IGF2R: variants seen among roughly 807,000 people sequenced by gnomAD.
IGF2R encodes insulin like growth factor 2 receptor, also known as cation-independent mannose-6-phosphate receptor.
IGF2R carries 91 observed loss-of-function variants against 270.6 expected under a neutral mutation model. The observed-to-expected ratio is 0.34, with a 90% CI of 0.28 to 0.40. The LOEUF is 0.40. IGF2R is among the 10% of genes least tolerant of loss of function. The pLI is 1.00. For missense variants in IGF2R, 2,805 were observed against 3,188.3 expected (o/e 0.88, Z 2.90); for synonymous variants, 1,316 against 1,258.9 (o/e 1.05, Z -0.96).
At chr6:160,008,915 C>G in intron 2 of IGF2R, 95 bp from the exon 3 acceptor site, 1 of 1,250,790 alleles carries the variant, frequency 8.0e-7, no homozygotes, top group Non-Finnish European at 1.1e-6. Flanking sequence ...CTATCAGATA[C>G]ATTATAATGC....
intron 19 of IGF2R, among the ~76,000 whole-genome samples, chr6:160,055,664 G>A (rs74993725): frequency 6.6e-6 from 1 of 152,150 alleles, no homozygotes; most frequent in African/African-American, 2.4e-5. Flanking sequence ...TCCTGAACCC[G>A]TGACCCTGGG....
intron 1 of IGF2R, among the ~76,000 whole-genome samples, chr6:159,985,630 T>C (rs3822846): frequency 0.021 from 3,197 of 151,978 alleles, 92 homozygotes; most frequent in East Asian, 0.12. Flanking sequence ...GACGGTGTCA[T>C]TGGGGATAAC....
At chr6:160,086,617 C>G (rs1166842235) in intron 41 of IGF2R, among the ~76,000 whole-genome samples, 2 of 152,154 alleles carry the variant, frequency 1.3e-5, no homozygotes, top group Non-Finnish European at 2.9e-5. Context: ...TTGTTTGATC[C>G]CATATGCCAG....
chr6:160,089,134 C>T lies in IGF2R; in HGVS notation c.6348C>T (p.Tyr2116=). The T allele has an allele frequency of 6.2e-7, 1 of 1,614,054 alleles. No homozygotes were observed. Among genetic ancestry groups the T allele is most frequent in the Non-Finnish European group, 8.5e-7 (1 of 1,179,918 alleles). ...TTGATATCGACAGCTGCACTTACTA[C>T]TTCAGCTGGGACTCCCGGGCTGCCT... ...KRFDIDSCTY[Y]FSWDSRAACA... Residue 2116 remains tyrosine, a synonymous_variant, in exon 43 of 48, where the codon TAC becomes TAT. Coordinates refer to ENST00000356956, the MANE Select transcript of IGF2R (RefSeq NM_000876.4).
In IGF2R at chr6:160,071,953, A is replaced by G; in HGVS notation, c.4487A>G (p.Tyr1496Cys). Residue 1496 changes from tyrosine (Y) to cysteine (C), a missense_variant, in exon 32 of 48, where the codon TAC becomes TGC. This residue lies in a region of IGF2R where 1,851 missense variants were observed against 2,207.2 expected (regional missense o/e 0.84). Transcript: ENST00000356956. ...MFISAVEDCE[Y>C]TFAWPTATAC... Reference sequence around the variant, plus strand: ...ATCAGCGCCGTGGAGGACTGTGAGTACACCTTTGCCTGGCCCACAGCCACA... The same window carrying G: ...ATCAGCGCCGTGGAGGACTGTGAGTGCACCTTTGCCTGGCCCACAGCCACA... 6.2e-7 allele frequency: 1 copy of G among 1,614,128 alleles called. No individual in the cohort carries two copies. The highest frequency in any genetic ancestry group is 8.5e-7 in the Non-Finnish European group (1 of 1,179,986).
intron 39 of IGF2R, among the ~76,000 whole-genome samples, 186 bp downstream of exon 39, chr6:160,080,461 C>T (rs1223315106): frequency 1.3e-5 from 2 of 152,348 alleles, no homozygotes; most frequent in East Asian, 1.9e-4. Flanking sequence ...GCTGGGTAAC[C>T]GTATCTACAG....
In IGF2R at chr6:160,063,287, T is replaced by C. The variant is rs967776443; in HGVS notation, c.3671-128T>C. On this transcript the variant is annotated intron_variant, in intron 26 of 47. Transcript: ENST00000356956. ...CTCTTGACCTAGTAATCCACCCGCCTCAGCCTCCCAAAGTGCTGGGATTAC... is the reference window on the plus strand; with the variant it reads ...CTCTTGACCTAGTAATCCACCCGCCCCAGCCTCCCAAAGTGCTGGGATTAC... 8.4e-6 allele frequency: 6 copies of C among 710,592 alleles called. No homozygotes were observed. The African/African-American group carries it at 1.1e-4, about 13-fold the overall frequency. 44.0% of individuals were successfully genotyped at this position (710,592 alleles called of 1,614,324 possible). A position where few individuals can be genotyped will look rare whatever the true frequency, so the allele number is the denominator to read the frequency against.
At chr6:159,988,616 C>T (rs1017793879) in intron 1 of IGF2R, among the ~76,000 whole-genome samples, 38 of 151,936 alleles carry the variant, frequency 2.5e-4, no homozygotes, top group South Asian at 2.5e-3. Flanking sequence ...ATGACACCCT[C>T]ATGCACCAAT....
In IGF2R at chr6:159,969,404, C is replaced by A; in HGVS notation, c.149+9C>A. On this transcript the variant is annotated intron_variant, in intron 1 of 47. Transcript: ENST00000356956. ...TTCCCCGAGCTGTGCAGGTGGGTGGCCCGCCCGGACGCAGGCTCCGCTCGC... is the reference window on the plus strand; with the variant it reads ...TTCCCCGAGCTGTGCAGGTGGGTGGACCGCCCGGACGCAGGCTCCGCTCGC... The A allele has an allele frequency of 8.2e-7, 1 of 1,219,798 alleles. No individual in the cohort carries two copies. The highest frequency in any genetic ancestry group is 3.3e-5 in the East Asian group (1 of 29,910). 75.6% of individuals were successfully genotyped at this position (1,219,798 alleles called of 1,614,324 possible). A position where few individuals can be genotyped will look rare whatever the true frequency, so the allele number is the denominator to read the frequency against.
rs772354376 is a variant in IGF2R at position 160,040,595 on chromosome 6, G to C, written c.1351G>C (p.Glu451Gln). 4.3e-6 allele frequency: 7 copies of C among 1,614,128 alleles called. No individual in the cohort carries two copies. In the Admixed American group the frequency reaches 1.2e-4, roughly 27 times the overall value. ...GAAAGGAACTCCTGTATTCACAGGG[G>C]AGGTTGACTGCACCTACTTCTTCAC... ...DGKGTPVFTG[E>Q]VDCTYFFTWD... Residue 451 changes from glutamate to glutamine, a missense_variant, in exon 11 of 48, where the codon GAG becomes CAG. Coordinates refer to ENST00000356956, the MANE Select transcript of IGF2R (RefSeq NM_000876.4).
intron 44 of IGF2R, 189 bp downstream of exon 44, chr6:160,090,292 A>C (rs1050595403): frequency 9.8e-6 from 4 of 407,578 alleles, no homozygotes; most frequent in African/African-American, 6.2e-5. Context: ...TAAGCATTTC[A>C]CTGTAGGCAA....
chr6:160,058,324 G>A (rs761089543), intron 21 of IGF2R, among the ~76,000 whole-genome samples, 200 bp downstream of exon 21: 1 of 152,174 alleles, frequency 6.6e-6, no homozygotes, highest in Non-Finnish European at 1.5e-5. Flanking sequence ...CAGTTCAGAC[G>A]TGAAGACTGT....
intron 31 of IGF2R, among the ~76,000 whole-genome samples, chr6:160,070,294 C>T (rs1250668633): frequency 6.6e-6 from 1 of 152,232 alleles, no homozygotes; most frequent in Non-Finnish European, 1.5e-5. Context: ...AATTGGTTCT[C>T]TTCAGAGTTT....
rs911283034 is a variant in IGF2R, at chr6:160,050,426, A to G, written c.2515-47A>G. Reference sequence around the variant, plus strand: ...TGTAACCACCACCAATAACGAATCGACTGTATCTTCAGGGGGAAAAGCCTA... The same window carrying G: ...TGTAACCACCACCAATAACGAATCGGCTGTATCTTCAGGGGGAAAAGCCTA... On this transcript the variant is annotated intron_variant, in intron 18 of 47. Coordinates refer to ENST00000356956, the MANE Select transcript of IGF2R (RefSeq NM_000876.4). This position sits in a 1 kb window ranked among gnomAD's most constrained non-coding sequence, Gnocchi z 4.0. 3 of 1,557,380 alleles carry G rather than the reference A, an allele frequency of 1.9e-6. No homozygotes were observed. Among genetic ancestry groups the G allele is most frequent in the African/African-American group, 2.7e-5 (2 of 73,576 alleles).
At chr6:160,093,566 A>T in intron 44 of IGF2R, 1 of 657,346 alleles carries the variant, frequency 1.5e-6, no homozygotes, top group Non-Finnish European at 2.9e-6. Context: ...TTTCCAGGGG[A>T]TTCCAGAACT....
Position 160,056,417 on chromosome 6 carries a change from C to T in IGF2R, c.2695-7C>T. The stretch of plus-strand genomic sequence containing the variant: ...TATTGACTTTTACCCTGGATTTGCC[C>T]ATTCAGAACAGCCACCCCATCTTTT... On this transcript the variant is annotated splice_region_variant and splice_polypyrimidine_tract_variant and intron_variant, in intron 19 of 47. Coordinates refer to ENST00000356956, the MANE Select transcript of IGF2R (RefSeq NM_000876.4). 3 of 1,599,348 alleles carry T rather than the reference C, an allele frequency of 1.9e-6. No homozygotes were observed. The highest frequency in any genetic ancestry group is 2.6e-6 in the Non-Finnish European group (3 of 1,166,400).
chr6:160,070,185 T>A, intron 31 of IGF2R, 127 bp downstream of exon 31: 3 of 892,838 alleles, frequency 3.4e-6, no homozygotes, highest in Non-Finnish European at 3.5e-6. Flanking sequence ...GATGCGCCCT[T>A]ACCAGAGGTT....
In IGF2R at chr6:160,102,694, T is replaced by TG; in HGVS notation, c.6995+27dup. ...GAGGTAAGCGGGTGGCAGGGCGAGGTGGGGCGGGTGGATGCATGCCTCCCA... is the reference window on the plus strand; with the variant it reads ...GAGGTAAGCGGGTGGCAGGGCGAGGTGGGGGCGGGTGGATGCATGCCTCCCA... On this transcript the variant is annotated intron_variant, in intron 46 of 47. Transcript: ENST00000356956. This position sits in a 1 kb window ranked among gnomAD's most constrained non-coding sequence, Gnocchi z 4.5. 3.8e-6 allele frequency: 6 copies of TG among 1,567,362 alleles called. No individual in the cohort carries two copies. Among genetic ancestry groups the TG allele is most frequent in the Non-Finnish European group, 4.3e-6 (5 of 1,151,888 alleles).
intron 4 of IGF2R, among the ~76,000 whole-genome samples, chr6:160,018,289 G>T (rs916437712): frequency 1.3e-5 from 2 of 151,990 alleles, no homozygotes; most frequent in African/African-American, 2.4e-5. Context: ...ATGATAAAAA[G>T]ATTATTCAAC....
Sources: allele counts gnomAD v4.1 joint callset (sites outside exome capture counted in the v4.1 genomes callset), GRCh38; gene constraint gnomAD v4.1.1; regional missense constraint gnomAD v4.1.1; non-coding constraint Gnocchi (gnomAD v3.1); transcripts MANE v1.5; gene names NCBI Gene and HGNC (gene_info 2026-07-23, HGNC 2026-07-21).